PTPRS: variants seen among roughly 807,000 people sequenced by gnomAD.
PTPRS encodes receptor-type tyrosine-protein phosphatase S.
PTPRS carries 63 observed loss-of-function variants against 215.3 expected under a neutral mutation model. The observed-to-expected ratio is 0.29, with a 90% CI of 0.24 to 0.36. The LOEUF (loss-of-function observed/expected upper bound fraction) is 0.36. PTPRS is among the 10% of genes least tolerant of loss of function. The pLI, the probability that PTPRS is intolerant of heterozygous loss-of-function variation, is 1.00. For missense variants in PTPRS, 2,258 were observed against 2,825.8 expected (o/e 0.80, Z 4.56); for synonymous variants, 1,404 against 1,191.4 (o/e 1.18, Z -3.68).
chr19:5,245,707 C>T, intron 10 of PTPRS, 69 bp downstream of exon 10: 2 of 1,502,380 alleles, frequency 1.3e-6, no homozygotes, highest in East Asian at 2.4e-5. Context: ...CTGCCTCCCA[C>T]CTGTGCCTGA....
At chr19:5,274,994 G>C (rs558495654) in intron 2 of PTPRS, among the ~76,000 whole-genome samples, 64 of 152,158 alleles carry the variant, frequency 4.2e-4, no homozygotes, top group African/African-American at 1.1e-3. Context: ...CAGGAGCTCA[G>C]AAAGGGGAAG....
At chr19:5,216,886 G>C in intron 25 of PTPRS, 119 bp from the exon 26 acceptor site, 1 of 556,146 alleles carries the variant, frequency 1.8e-6, no homozygotes, top group Non-Finnish European at 3.1e-6. Context: ...CGCGGACAAC[G>C]GGGGGTATGT....
chr19:5,317,532 G>T (rs556480978), intron 1 of PTPRS, among the ~76,000 whole-genome samples: 19 of 152,126 alleles, frequency 1.2e-4, no homozygotes, highest in Non-Finnish European at 2.6e-4. Flanking sequence ...GGCAATGGCC[G>T]CAAAATCACA....
At chr19:5,311,911 G>A (rs1344684215) in intron 1 of PTPRS, among the ~76,000 whole-genome samples, 1 of 152,038 alleles carries the variant, frequency 6.6e-6, no homozygotes, top group African/African-American at 2.4e-5. Context: ...GGGGTGGCAG[G>A]CACCTGTAGT....
rs2043525447 is a variant in PTPRS, at chr19:5,237,125, G to C, written c.1849+1794C>G. On this transcript the variant is annotated intron_variant, in intron 13 of 37. Transcript: ENST00000262963. This position sits in a 1 kb window ranked among gnomAD's most constrained non-coding sequence, Gnocchi z 4.2. ...GCTACAAGGCCAGACCGAACTCTTG[G>C]TGGGTCTCAGGATGCCAGTGGCCCC... is the stretch of plus-strand genomic sequence containing the variant. Among the ~76,000 whole-genome samples the C allele has an allele frequency of 6.6e-6, 1 of 152,206 alleles. No individual in the cohort carries two copies.
At chr19:5,229,374 G>C (rs757460045) in intron 15 of PTPRS, 32 bp from the exon 16 acceptor site, 126 of 1,374,472 alleles carry the variant, frequency 9.2e-5, no homozygotes, top group Non-Finnish European at 1.2e-4. Context: ...AGGGGAGAGA[G>C]GAGGAAGGTG....
chr19:5,212,575 G>C (rs4807696), intron 30 of PTPRS, 84 bp from the exon 31 acceptor site: 11 of 1,476,506 alleles, frequency 7.5e-6, no homozygotes, highest in Admixed American at 4.1e-5. Context: ...CGGGTGTGGT[G>C]GCTCATGCCT....
In PTPRS at chr19:5,206,529, GAAGGA is replaced by G. The variant is rs1555730351; in HGVS notation, c.*240_*244del. 2.4e-6 allele frequency: 1 copy of G among 410,214 alleles called. No individual in the cohort carries two copies. The highest frequency in any genetic ancestry group is 4.4e-6 in the Non-Finnish European group (1 of 225,720). The allele number at this position is 410,214 out of a possible 1,614,324, so 25.4% of individuals were successfully genotyped here. Reference sequence around the variant, plus strand: ...ACCCCGGAATCTGGTTTTGGAATTGGAAGGAAAGGAGGAATGTGCCAAGTATTTGA... The same window carrying G: ...ACCCCGGAATCTGGTTTTGGAATTGGAAGGAGGAATGTGCCAAGTATTTGA... On this transcript the variant is annotated 3_prime_UTR_variant, in exon 38 of 38. Coordinates refer to ENST00000262963, the MANE Select transcript of PTPRS (RefSeq NM_002850.4).
chr19:5,289,692 C>G (rs527517278), intron 1 of PTPRS, among the ~76,000 whole-genome samples: 1 of 152,336 alleles, frequency 6.6e-6, no homozygotes, highest in East Asian at 1.9e-4. Context: ...GTGGGCCATT[C>G]CTGGATTTAA....
intron 25 of PTPRS, among the ~76,000 whole-genome samples, chr19:5,218,092 T>C (rs893434239): frequency 6.6e-6 from 1 of 152,138 alleles, no homozygotes; most frequent in African/African-American, 2.4e-5. Flanking sequence ...AACAGAAGAA[T>C]AGCTCTTTCT....
chr19:5,296,787 T>C (rs1018711108), intron 1 of PTPRS, among the ~76,000 whole-genome samples: 2 of 151,880 alleles, frequency 1.3e-5, no homozygotes, highest in African/African-American at 2.4e-5. Flanking sequence ...CCAGGAGGAA[T>C]TGGGCTTTGA....
At position 5,222,680 on chromosome 19, in the gene PTPRS, C is replaced by T. The variant is rs746570573; in HGVS notation, c.3103+9G>A. 13 of 1,562,258 alleles carry T rather than the reference C, an allele frequency of 8.3e-6. No homozygotes were observed. The highest frequency in any genetic ancestry group is 5.4e-5 in the Admixed American group (3 of 55,330). ...TCCGGCTCTGGTGCAGGGGTCGCCG[C>T]GCGCCTACCTTGGTCCCGCAGGAAC... On this transcript the variant is annotated intron_variant, in intron 18 of 37. Coordinates refer to ENST00000262963, the MANE Select transcript of PTPRS (RefSeq NM_002850.4).
intron 37 of PTPRS, 114 bp downstream of exon 37, chr19:5,207,808 C>T: frequency 6.8e-7 from 1 of 1,475,868 alleles, no homozygotes; most frequent in Non-Finnish European, 9.2e-7. Flanking sequence ...CGTCTACCCA[C>T]AGTGACCCAG....
At position 5,229,278 on chromosome 19, in the gene PTPRS, C is replaced by T. The variant is rs550951967; in HGVS notation, c.2376+38G>A. 37 of 1,370,170 alleles carry T rather than the reference C, an allele frequency of 2.7e-5. No individual in the cohort carries two copies. In the South Asian group the frequency reaches 7.3e-4, roughly 27 times the overall value. The allele number at this position is 1,370,170 out of a possible 1,614,324, so 84.9% of individuals were successfully genotyped here. On this transcript the variant is annotated intron_variant, in intron 16 of 37. Transcript: ENST00000262963. ...ACAGCACAGCACGGCCCGCGGGAAG[C>T]GCACAGCAGTAGGTGGGTGGCCAGG... is the stretch of plus-strand genomic sequence containing the variant.
chr19:5,301,116 C>G (rs1441848320), intron 1 of PTPRS, among the ~76,000 whole-genome samples: 1 of 152,216 alleles, frequency 6.6e-6, no homozygotes, highest in African/African-American at 2.4e-5. Context: ...TTGCTCCAGC[C>G]CCAAGGGCAG....
rs1401508272 is a variant in PTPRS at position 5,225,773 on chromosome 19, G to A, written c.2448C>T (p.Gly816=). 8.1e-6 allele frequency: 13 copies of A among 1,614,054 alleles called. No individual in the cohort carries two copies. The highest frequency in any genetic ancestry group is 2.2e-5 in the East Asian group (1 of 44,868). The part of the protein sequence containing the change: ...SITVAAYTMK[G]DGARSKPKVV... ...CCTTGGGTTTGCTGCGAGCGCCATC[G>A]CCCTTCATGGTGTAGGCGGCTACCG... Residue 816 remains glycine, a synonymous_variant, in exon 17 of 38, where the codon GGC becomes GGT. Transcript: ENST00000262963.
chr19:5,259,971 G>C (rs2045856955), intron 7 of PTPRS, among the ~76,000 whole-genome samples: 1 of 152,128 alleles, frequency 6.6e-6, no homozygotes, highest in Non-Finnish European at 1.5e-5. Flanking sequence ...CACAGCATTT[G>C]TAGCAAAGGT....
At chr19:5,267,422 C>T (rs1214095381) in intron 4 of PTPRS, among the ~76,000 whole-genome samples, 6 of 152,144 alleles carry the variant, frequency 3.9e-5, no homozygotes, top group African/African-American at 7.2e-5. Flanking sequence ...TTTGGGAGGA[C>T]GAAGCAGGTG....
chr19:5,251,017 CA>C, intron 9 of PTPRS: 1 of 146,962 alleles, frequency 6.8e-6, no homozygotes, highest in Non-Finnish European at 1.3e-5. Context: ...CTCCAAACTC[CA>C]AAATGAATAT....
Sources: allele counts gnomAD v4.1 joint callset (sites outside exome capture counted in the v4.1 genomes callset), GRCh38; gene constraint gnomAD v4.1.1; non-coding constraint Gnocchi (gnomAD v3.1); transcripts MANE v1.5; gene names NCBI Gene and HGNC (gene_info 2026-07-23, HGNC 2026-07-21).